NCALD: variants seen among roughly 807,000 people sequenced by gnomAD.
The protein encoded by NCALD is neurocalcin-delta.
In NCALD, 10 loss-of-function variants were observed where a neutral mutation model predicts 18.6. The observed-to-expected ratio is 0.54, with a 90% CI of 0.33 to 0.91. The LOEUF is 0.91. Among genes scored for constraint, NCALD ranks in the 40% least tolerant of loss-of-function variants. The pLI, the probability that NCALD is intolerant of heterozygous loss-of-function variation, is 0.03. For synonymous variants in NCALD, 88 were observed against 87.4 expected, an observed-to-expected ratio of 1.01 and a Z score of -0.04; for missense variants, 184 against 247.6, an observed-to-expected ratio of 0.74 and a Z score of 1.72.
chr8:101,691,763 G>A (rs1350534602), intron 3 of NCALD: 9 of 985,210 alleles, frequency 9.1e-6, no homozygotes, highest in Non-Finnish European at 9.6e-6. Context: ...GTACCTGGGC[G>A]GGGGATAAAA....
At chr8:101,816,244 G>T (rs751772579) in intron 4 of NCALD, among the ~76,000 whole-genome samples, 1 of 152,084 alleles carries the variant, frequency 6.6e-6, no homozygotes, top group Non-Finnish European at 1.5e-5. Context: ...TTTCACTGTG[G>T]TATAAGGATT....
chr8:101,831,796 C>T (rs1486703848), intron 4 of NCALD, among the ~76,000 whole-genome samples: 3 of 152,118 alleles, frequency 2.0e-5, no homozygotes, highest in Admixed American at 1.3e-4. Context: ...TATTCTAGAT[C>T]TCAATGGCTC....
chr8:102,066,389 G>C (rs1218347495), intron 1 of NCALD, among the ~76,000 whole-genome samples: 1 of 152,206 alleles, frequency 6.6e-6, no homozygotes, highest in Non-Finnish European at 1.5e-5. Context: ...CCATCTAGCA[G>C]TTATTCAAGC....
chr8:102,061,049 C>T (rs756533529), intron 1 of NCALD, among the ~76,000 whole-genome samples: 4 of 152,326 alleles, frequency 2.6e-5, no homozygotes, highest in Non-Finnish European at 5.9e-5. Context: ...ACACATCCCA[C>T]ACCCAAACAA....
chr8:101,854,571 T>C (rs1329906637), intron 4 of NCALD, among the ~76,000 whole-genome samples: 1 of 152,134 alleles, frequency 6.6e-6, no homozygotes, highest in Non-Finnish European at 1.5e-5. Flanking sequence ...TTCTTTTTCT[T>C]GATGCTTTAT....
chr8:101,843,864 G>A (rs1453824171), intron 4 of NCALD, among the ~76,000 whole-genome samples: 1 of 152,114 alleles, frequency 6.6e-6, no homozygotes, highest in Non-Finnish European at 1.5e-5. Flanking sequence ...TTACAGGCGC[G>A]AGCCACCATG....
At chr8:101,816,276 T>C (rs1443443532) in intron 4 of NCALD, among the ~76,000 whole-genome samples, 10 of 152,092 alleles carry the variant, frequency 6.6e-5, no homozygotes, top group Non-Finnish European at 1.5e-4. Context: ...AACACACTTA[T>C]AAAACAGTAT....
intron 1 of NCALD, among the ~76,000 whole-genome samples, chr8:101,744,210 C>A (rs1290973461): frequency 6.6e-6 from 1 of 152,194 alleles, no homozygotes; most frequent in Non-Finnish European, 1.5e-5. Flanking sequence ...CCCCCTCAGT[C>A]CCCTGGTGCT....
chr8:102,087,716 A>T (rs1824785491), intron 1 of NCALD, among the ~76,000 whole-genome samples: 2 of 152,144 alleles, frequency 1.3e-5, no homozygotes, highest in Non-Finnish European at 2.9e-5. Context: ...AAAATTAGGG[A>T]TGTACAAGAC....
chr8:101,963,927 A>G (rs1409183945), intron 2 of NCALD, among the ~76,000 whole-genome samples: 3 of 152,192 alleles, frequency 2.0e-5, no homozygotes, highest in Non-Finnish European at 4.4e-5. Flanking sequence ...CACTGAAAAA[A>G]AATCCATGAC....
At chr8:102,106,023 T>A (rs963758664) in intron 1 of NCALD, among the ~76,000 whole-genome samples, 1 of 152,068 alleles carries the variant, frequency 6.6e-6, no homozygotes, top group Non-Finnish European at 1.5e-5. Context: ...CAAATTAGTT[T>A]GAGTGACATC....
chr8:102,041,571 G>C (rs1044790078), intron 1 of NCALD, among the ~76,000 whole-genome samples: 1 of 152,178 alleles, frequency 6.6e-6, no homozygotes, highest in South Asian at 2.1e-4. Flanking sequence ...GTATGGCTGG[G>C]GCCACTCACT....
chr8:101,964,221 A>AC (rs1344456887), intron 2 of NCALD, among the ~76,000 whole-genome samples: 1 of 151,832 alleles, frequency 6.6e-6, no homozygotes, highest in African/African-American at 2.4e-5. Flanking sequence ...CTCTAGACAC[A>AC]CCCCCCGACT....
chr8:101,960,156 C>T (rs1176046378), intron 2 of NCALD, among the ~76,000 whole-genome samples: 2 of 152,090 alleles, frequency 1.3e-5, no homozygotes, highest in Non-Finnish European at 2.9e-5. Flanking sequence ...CCACATTATT[C>T]GTTTCTATTT....
chr8:101,909,790 G>A (rs1586739284), intron 3 of NCALD, among the ~76,000 whole-genome samples: 1 of 151,910 alleles, frequency 6.6e-6, no homozygotes, highest in African/African-American at 2.4e-5. Flanking sequence ...TTCTCCATGG[G>A]CATGTTTAAT....
At chr8:101,839,541 T>C (rs528896316) in intron 4 of NCALD, among the ~76,000 whole-genome samples, 1 of 152,244 alleles carries the variant, frequency 6.6e-6, no homozygotes, top group South Asian at 2.1e-4. Flanking sequence ...CAGAACCAAA[T>C]ATCCATCAAC....
chr8:102,005,688 T>C (rs1466207091), intron 2 of NCALD, among the ~76,000 whole-genome samples: 2 of 152,182 alleles, frequency 1.3e-5, no homozygotes, highest in Non-Finnish European at 2.9e-5. Context: ...CATGGAATAC[T>C]ATGCCTCCAT....
intron 2 of NCALD, among the ~76,000 whole-genome samples, chr8:101,968,957 G>T (rs947282656): frequency 6.6e-6 from 1 of 152,186 alleles, no homozygotes; most frequent in African/African-American, 2.4e-5. Flanking sequence ...GACCCCAGTT[G>T]CTTGAGACAG....
At chr8:102,022,646 G>A (rs1425455775) in intron 1 of NCALD, among the ~76,000 whole-genome samples, 1 of 152,206 alleles carries the variant, frequency 6.6e-6, no homozygotes, top group Admixed American at 6.5e-5. Flanking sequence ...TCCAGCAGGA[G>A]CAAAGCAAAG....
Sources: gnomAD v4.1 joint callset for allele counts (sites outside exome capture counted in the v4.1 genomes callset) on GRCh38, gnomAD v4.1.1 for gene constraint, MANE v1.5 for transcripts, NCBI Gene and HGNC (gene_info 2026-07-23, HGNC 2026-07-21) for gene names.